Variants in TNFRSF8 observed in about 807,000 individuals in gnomAD.
TNFRSF8 encodes tumor necrosis factor receptor superfamily member 8.
TNFRSF8 carries 26 observed loss-of-function variants against 70.8 expected under a neutral mutation model. That is an observed-to-expected ratio of 0.37 (90% CI 0.27 to 0.51). TNFRSF8 has a LOEUF of 0.51. TNFRSF8 is among the 20% of genes least tolerant of loss of function. TNFRSF8 has a pLI of 0.94. For synonymous variants in TNFRSF8, 356 were observed against 339.2 expected, an observed-to-expected ratio of 1.05 and a Z score of -0.54; for missense variants, 720 against 807.9, an observed-to-expected ratio of 0.89 and a Z score of 1.32.
chr1:12,103,171 C>A (rs1338931996), intron 3 of TNFRSF8, among the ~76,000 whole-genome samples: 3 of 151,996 alleles, frequency 2.0e-5, no homozygotes, highest in Non-Finnish European at 4.4e-5. Context: ...TGAGACCATC[C>A]TGGCCAACGT....
At position 12,088,804 on chromosome 1, in the gene TNFRSF8, C is replaced by T. The variant is rs1041760083; in HGVS notation, c.151+4253C>T. 4.6e-5 allele frequency among the ~76,000 whole-genome samples: 7 copies of T among 152,232 alleles called. No homozygotes were observed. Among genetic ancestry groups the T allele is most frequent in the South Asian group, 4.1e-4 (2 of 4,836 alleles). On this transcript the variant is annotated intron_variant, in intron 2 of 14. Coordinates refer to ENST00000263932, the MANE Select transcript of TNFRSF8 (RefSeq NM_001243.5). The surrounding 1 kb of genome is among the most constrained non-coding windows in gnomAD (Gnocchi z 4.0). ...GGGGTTTGTGGGTTCCCCCAGCTTCCGCTGCCCTTGGGTAAAGCTCAGCTT... is the reference window on the plus strand; with the variant it reads ...GGGGTTTGTGGGTTCCCCCAGCTTCTGCTGCCCTTGGGTAAAGCTCAGCTT...
At chr1:12,087,864 C>T (rs756868845) in intron 2 of TNFRSF8, among the ~76,000 whole-genome samples, 1 of 152,186 alleles carries the variant, frequency 6.6e-6, no homozygotes, top group Non-Finnish European at 1.5e-5. Context: ...CTCCCCACTT[C>T]CCCTCTCTAA....
Position 12,112,594 on chromosome 1 carries a change from C to T in TNFRSF8, c.793+580C>T, listed in dbSNP as rs531451880. Among the ~76,000 whole-genome samples, 1 of 152,154 alleles carries T rather than the reference C, an allele frequency of 6.6e-6. No individual in the cohort carries two copies. The highest frequency in any genetic ancestry group is 1.5e-5 in the Non-Finnish European group (1 of 68,030). On this transcript the variant is annotated intron_variant, in intron 7 of 14. Coordinates refer to ENST00000263932, the MANE Select transcript of TNFRSF8 (RefSeq NM_001243.5). This position sits in a 1 kb window ranked among gnomAD's most constrained non-coding sequence, Gnocchi z 5.3. The stretch of plus-strand genomic sequence containing the variant: ...TTTTTTCATACAGATGGGGGTCTCA[C>T]TATGTTGCCCAGGCTGCTCTCGAAC...
chr1:12,127,730 T>C (rs1039807019), intron 12 of TNFRSF8, among the ~76,000 whole-genome samples: 5 of 148,372 alleles, frequency 3.4e-5, no homozygotes, highest in African/African-American at 1.3e-4. Context: ...TCAGGCTGAG[T>C]GTCTCATTGA....
intron 6 of TNFRSF8, among the ~76,000 whole-genome samples, chr1:12,111,487 C>G (rs11121869): frequency 0.028 from 4,299 of 152,144 alleles, 86 homozygotes; most frequent in Non-Finnish European, 0.043. Flanking sequence ...CGGCCCACAC[C>G]AGTCTTTAAA....
rs181263957 is a variant in TNFRSF8 at position 12,104,597 on chromosome 1, C to T, written c.421+66C>T. The T allele has an allele frequency of 8.3e-5, 132 of 1,588,794 alleles. No homozygotes were observed. In the African/African-American group the frequency reaches 1.5e-3, roughly 18 times the overall value. ...TGTTGCTGCTGCACCTTCCGCCCAC[C>T]CCAGTGCACTGTTGACTTCCGACCT... On this transcript the variant is annotated intron_variant, in intron 4 of 14. Coordinates refer to ENST00000263932, the MANE Select transcript of TNFRSF8 (RefSeq NM_001243.5).
chr1:12,142,487 G>A lies in TNFRSF8; in HGVS notation c.1744G>A (p.Glu582Lys). 6.3e-7 allele frequency: 1 copy of A among 1,596,264 alleles called. No individual in the cohort carries two copies. The highest frequency in any genetic ancestry group is 2.3e-5 in the East Asian group (1 of 44,078). Residue 582 changes from glutamate (E) to lysine (K), a missense_variant, in exon 15 of 15, where the codon GAA becomes AAA. By Grantham distance (56) the Glu-to-Lys change is moderately conservative. Transcript: ENST00000263932. The surrounding 1 kb of genome is among the most constrained non-coding windows in gnomAD (Gnocchi z 5.0). ...CGATGTCATGCTCTCAGTGGAAGAGGAAGGGAAAGAAGACCCCTTGCCCAC... is the reference window on the plus strand; with the variant it reads ...CGATGTCATGCTCTCAGTGGAAGAGAAAGGGAAAGAAGACCCCTTGCCCAC... Reference protein sequence around the residue: ...CSDVMLSVEEEGKEDPLPTAA... With the variant: ...CSDVMLSVEEKGKEDPLPTAA...
chr1:12,063,769 C>A lies in TNFRSF8; in HGVS notation c.63+108C>A. On this transcript the variant is annotated intron_variant, in intron 1 of 14. Coordinates refer to ENST00000263932, the MANE Select transcript of TNFRSF8 (RefSeq NM_001243.5). The surrounding 1 kb of genome is among the most constrained non-coding windows in gnomAD (Gnocchi z 7.2). ...ACTCCTCACCCCGTTCCCTGCCCAGCTGGAGTGAGGGGGCGCGGGTGACAA... is the reference window on the plus strand; with the variant it reads ...ACTCCTCACCCCGTTCCCTGCCCAGATGGAGTGAGGGGGCGCGGGTGACAA... 2.8e-6 allele frequency: 3 copies of A among 1,087,654 alleles called. No homozygotes were observed. The highest frequency in any genetic ancestry group is 4.6e-5 in the South Asian group (1 of 21,872). The allele number at this position is 1,087,654 out of a possible 1,614,324, so 67.4% of individuals were successfully genotyped here. A position where few individuals can be genotyped will look rare whatever the true frequency, so the allele number is the denominator to read the frequency against.
At chr1:12,068,323 C>G (rs1399948060) in intron 1 of TNFRSF8, among the ~76,000 whole-genome samples, 1 of 152,138 alleles carries the variant, frequency 6.6e-6, no homozygotes, top group Non-Finnish European at 1.5e-5. Flanking sequence ...TGTGGCCCAT[C>G]TGGGATCACA....
At chr1:12,135,638 C>A (rs1468968398) in intron 13 of TNFRSF8, 25 bp downstream of exon 13, 2 of 1,613,570 alleles carry the variant, frequency 1.2e-6, no homozygotes, top group Admixed American at 3.3e-5. Context: ...CTTGCCCCCA[C>A]CTCAGCTTCG....
intron 10 of TNFRSF8, among the ~76,000 whole-genome samples, chr1:12,124,630 T>A (rs994624947): frequency 5.3e-5 from 8 of 152,240 alleles, no homozygotes; most frequent in African/African-American, 1.7e-4. Flanking sequence ...GAGACCAGCC[T>A]GGCCAACACG....
chr1:12,084,745 T>G (rs1397539532), intron 2 of TNFRSF8, among the ~76,000 whole-genome samples, 194 bp downstream of exon 2: 1 of 85,710 alleles, frequency 1.2e-5, no homozygotes, highest in African/African-American at 3.5e-5. Flanking sequence ...GAATTGAGAC[T>G]GTGTTTCTTG....
intron 12 of TNFRSF8, among the ~76,000 whole-genome samples, chr1:12,133,834 C>T (rs547205205): frequency 6.6e-6 from 1 of 151,764 alleles, no homozygotes; most frequent in South Asian, 2.1e-4. Flanking sequence ...GGGCAGATCA[C>T]CTGAGGTCAG....
At chr1:12,072,097 C>T (rs1296997258) in intron 1 of TNFRSF8, among the ~76,000 whole-genome samples, 1 of 152,166 alleles carries the variant, frequency 6.6e-6, no homozygotes, top group African/African-American at 2.4e-5. Flanking sequence ...TAAGTTACCT[C>T]TGTGTGCCTC....
At chr1:12,090,016 C>A (rs577991818) in intron 2 of TNFRSF8, among the ~76,000 whole-genome samples, 1 of 151,694 alleles carries the variant, frequency 6.6e-6, no homozygotes, top group South Asian at 2.1e-4. Context: ...CATCTACCCA[C>A]CCATCCACCT....
chr1:12,071,062 G>A (rs1640835164), intron 1 of TNFRSF8, among the ~76,000 whole-genome samples: 1 of 152,122 alleles, frequency 6.6e-6, no homozygotes, highest in Non-Finnish European at 1.5e-5. Context: ...TATTCAGCCT[G>A]GTTACAGTAT....
At chr1:12,131,490 C>A (rs1026723914) in intron 12 of TNFRSF8, among the ~76,000 whole-genome samples, 7 of 121,762 alleles carry the variant, frequency 5.7e-5, no homozygotes, top group Non-Finnish European at 8.5e-5. Flanking sequence ...TTCTAAGTGG[C>A]CTTCATTTTT....
chr1:12,125,820 C>T (rs1641926643), intron 10 of TNFRSF8, 131 bp from the exon 11 acceptor site: 2 of 779,020 alleles, frequency 2.6e-6, no homozygotes, highest in Non-Finnish European at 4.6e-6. Context: ...AGAGCCTTGG[C>T]TTGGAAAGGA....
chr1:12,084,774 TC>T (rs1432794992), intron 2 of TNFRSF8, among the ~76,000 whole-genome samples: 2 of 152,186 alleles, frequency 1.3e-5, no homozygotes, highest in Non-Finnish European at 2.9e-5. Context: ...AGAATGTCCA[TC>T]TCCATGAGTT....
Sources: gnomAD v4.1 joint callset for allele counts (sites outside exome capture counted in the v4.1 genomes callset) on GRCh38, gnomAD v4.1.1 for gene constraint, Gnocchi (gnomAD v3.1) non-coding constraint, MANE v1.5 for transcripts, NCBI Gene and HGNC (gene_info 2026-07-23, HGNC 2026-07-21) for gene names.